The following NOL4 variants were observed in gnomAD, a reference collection of about 807,000 sequenced individuals.
NOL4 encodes the protein cancer/testis antigen 125.
Under a neutral mutation model 75.9 loss-of-function variants are expected in NOL4, and 17 were observed. The ratio of observed to expected loss-of-function variants is 0.22; its 90% CI spans 0.15 to 0.34. The LOEUF (loss-of-function observed/expected upper bound fraction) is 0.34, where lower values mean the gene tolerates loss of function less well. NOL4 is among the 10% of genes least tolerant of loss of function. The pLI, the probability that NOL4 is intolerant of heterozygous loss-of-function variation, is 1.00. For missense variants in NOL4, 614 were observed against 793.5 expected, an observed-to-expected ratio of 0.77 and a Z score of 2.72; for synonymous variants, 292 against 289.9, an observed-to-expected ratio of 1.01 and a Z score of -0.07.
At chr18:34,099,392 C>T (rs1197008709) in intron 4 of NOL4, among the ~76,000 whole-genome samples, 3 of 94,890 alleles carry the variant, frequency 3.2e-5, no homozygotes, top group Non-Finnish European at 4.6e-5. Context: ...ACTACGCATG[C>T]TTCGGTCCCT....
intron 6 of NOL4, among the ~76,000 whole-genome samples, chr18:34,007,020 A>T (rs1009916978): frequency 1.1e-4 from 17 of 152,024 alleles, no homozygotes; most frequent in Non-Finnish European, 1.6e-4. Context: ...TGTTCCCATG[A>T]CTTTATGCTC....
intron 5 of NOL4, among the ~76,000 whole-genome samples, chr18:34,055,250 A>G (rs2076788076): frequency 6.6e-6 from 1 of 151,956 alleles, no homozygotes; most frequent in African/African-American, 2.4e-5. Flanking sequence ...TTGTATTTTC[A>G]TCTAGCATTC....
At chr18:34,012,530 G>C (rs1166177107) in intron 6 of NOL4, among the ~76,000 whole-genome samples, 1 of 151,792 alleles carries the variant, frequency 6.6e-6, no homozygotes, top group Non-Finnish European at 1.5e-5. Flanking sequence ...AAATACATAT[G>C]TTTATATATG....
intron 1 of NOL4, among the ~76,000 whole-genome samples, chr18:34,179,480 T>C (rs1442402618): frequency 6.6e-6 from 1 of 151,324 alleles, no homozygotes; most frequent in Non-Finnish European, 1.5e-5. Context: ...TAAATTATTT[T>C]TAAAGAAAGA....
chr18:34,083,676 C>A (rs562222363), intron 5 of NOL4, among the ~76,000 whole-genome samples: 2 of 152,234 alleles, frequency 1.3e-5, no homozygotes, highest in Non-Finnish European at 2.9e-5. Flanking sequence ...TAGTTACTGG[C>A]CGAGCTAGTG....
chr18:34,101,004 A>C (rs1365208655), intron 4 of NOL4, among the ~76,000 whole-genome samples: 2 of 152,142 alleles, frequency 1.3e-5, no homozygotes, highest in Non-Finnish European at 2.9e-5. Flanking sequence ...AAGACCTTGG[A>C]GCCATTACTA....
At chr18:34,123,993 T>C (rs1055177997) in intron 2 of NOL4, among the ~76,000 whole-genome samples, 17 of 152,110 alleles carry the variant, frequency 1.1e-4, no homozygotes, top group African/African-American at 3.9e-4. Context: ...TACCAAAAAT[T>C]TGAACTTGGA....
chr18:33,887,578 C>A (rs553120621), intron 9 of NOL4, among the ~76,000 whole-genome samples: 7 of 151,884 alleles, frequency 4.6e-5, no homozygotes, highest in African/African-American at 1.4e-4. Context: ...CCAGCCCCCA[C>A]CCCCTGACAG....
At chr18:34,169,511 T>A (rs1056868445) in intron 1 of NOL4, among the ~76,000 whole-genome samples, 1 of 148,296 alleles carries the variant, frequency 6.7e-6, no homozygotes, top group Non-Finnish European at 1.5e-5. Context: ...CCTAACCACA[T>A]TAAATGTATA....
chr18:33,991,916 TG>T (rs1288843313), intron 6 of NOL4, among the ~76,000 whole-genome samples: 2 of 148,270 alleles, frequency 1.3e-5, no homozygotes, highest in African/African-American at 5.3e-5. Flanking sequence ...AGGCATAAAA[TG>T]AGACAAAATG....
chr18:34,188,885 AC>A (rs1265032898), intron 1 of NOL4, among the ~76,000 whole-genome samples: 8 of 152,226 alleles, frequency 5.3e-5, no homozygotes, highest in African/African-American at 1.9e-4. Flanking sequence ...AACCCAAGGT[AC>A]ATGACCTCAA....
chr18:34,219,796 G>A (rs1018211496), intron 1 of NOL4, among the ~76,000 whole-genome samples: 1 of 152,228 alleles, frequency 6.6e-6, no homozygotes, highest in Non-Finnish European at 1.5e-5. Flanking sequence ...GCATATGCGC[G>A]TGCGCGTGAG....
intron 5 of NOL4, among the ~76,000 whole-genome samples, chr18:34,059,122 C>CATACAT (rs779248291): frequency 1.1e-4 from 13 of 118,212 alleles, no homozygotes; most frequent in African/African-American, 4.0e-4. Flanking sequence ...GATAGATATA[C>CATACAT]ATATATATAT....
intron 2 of NOL4, among the ~76,000 whole-genome samples, chr18:34,121,583 T>C (rs2080143887): frequency 6.6e-6 from 1 of 152,166 alleles, no homozygotes; most frequent in South Asian, 2.1e-4. Flanking sequence ...ACTCCAGTAA[T>C]TTGCATATCG....
At chr18:33,933,609 G>A (rs2012176305) in intron 9 of NOL4, among the ~76,000 whole-genome samples, 1 of 152,076 alleles carries the variant, frequency 6.6e-6, no homozygotes. Context: ...GACCAGCAGT[G>A]GATTCTATCT....
chr18:34,172,386 T>C (rs138652221), intron 1 of NOL4, among the ~76,000 whole-genome samples: 179 of 152,214 alleles, frequency 1.2e-3, no homozygotes, highest in African/African-American at 4.2e-3. Context: ...CATATGCATG[T>C]GTGTATATAC....
At chr18:33,938,054 A>G (rs1489876038) in intron 9 of NOL4, among the ~76,000 whole-genome samples, 1 of 152,116 alleles carries the variant, frequency 6.6e-6, no homozygotes, top group South Asian at 2.1e-4. Context: ...GTTTCCCTCC[A>G]TGAACATAAT....
At chr18:33,974,149 C>G (rs951527752) in intron 6 of NOL4, among the ~76,000 whole-genome samples, 7 of 152,168 alleles carry the variant, frequency 4.6e-5, no homozygotes, top group Admixed American at 3.3e-4. Context: ...TCTACATCAG[C>G]ATTCGTTGCT....
chr18:33,925,568 T>G (rs542912535), intron 9 of NOL4, among the ~76,000 whole-genome samples: 46 of 152,298 alleles, frequency 3.0e-4, no homozygotes, highest in African/African-American at 1.1e-3. Flanking sequence ...TAAATTAAAC[T>G]AATGTGACTT....
Sources: allele counts gnomAD v4.1 joint callset (sites outside exome capture counted in the v4.1 genomes callset), GRCh38; gene constraint gnomAD v4.1.1; transcripts MANE v1.5; gene names NCBI Gene and HGNC (gene_info 2026-07-23, HGNC 2026-07-21).